NUP155: variants seen among roughly 807,000 people sequenced by gnomAD.
NUP155 encodes nucleoporin 155.
A neutral mutation model predicts 180.4 loss-of-function variants in NUP155; 71 were observed. That is an observed-to-expected ratio of 0.39 (90% CI 0.33 to 0.48). The LOEUF is 0.48. Ranked by LOEUF, NUP155 falls within the 20% of genes least tolerant of loss-of-function variation. NUP155 has a pLI of 0.91. For missense variants in NUP155, 1,553 were observed against 1,648.9 expected (o/e 0.94, Z 1.01); for synonymous variants, 582 against 559.5 (o/e 1.04, Z -0.57).
chr5:37,361,265 C>CAAAAAAAAAAAAA (rs35489900), intron 3 of NUP155, among the ~76,000 whole-genome samples: 6 of 78,024 alleles, frequency 7.7e-5, no homozygotes, highest in African/African-American at 3.6e-4. Context: ...GACTCTGTCT[C>CAAAAAAAAAAAAA]AAAAAAAAAA....
intron 23 of NUP155, chr5:37,309,626 T>A (rs191708660): frequency 9.9e-6 from 2 of 202,134 alleles, no homozygotes; most frequent in East Asian, 1.2e-4. Context: ...CACTAAAAGA[T>A]TTACTTGAAG....
At chr5:37,364,055 G>T in intron 2 of NUP155, 71 bp from the exon 3 acceptor site, 1 of 1,291,882 alleles carries the variant, frequency 7.7e-7, no homozygotes, top group Non-Finnish European at 1.1e-6. Context: ...AATAGCTTTT[G>T]ACTTAATATT....
chr5:37,370,542 T>G, intron 1 of NUP155: 1 of 832,346 alleles, frequency 1.2e-6, no homozygotes, highest in East Asian at 3.3e-5. Flanking sequence ...CCATAAGCAC[T>G]TGAGAGCGGC....
intron 11 of NUP155, among the ~76,000 whole-genome samples, chr5:37,340,646 T>C (rs992804586): frequency 3.3e-5 from 5 of 152,174 alleles, no homozygotes; most frequent in African/African-American, 1.2e-4. Flanking sequence ...GGGGATATAA[T>C]AGTCTTTTCA....
intron 11 of NUP155, among the ~76,000 whole-genome samples, chr5:37,339,307 CAAAA>C (rs1283751834): frequency 4.7e-5 from 3 of 63,282 alleles, no homozygotes; most frequent in Admixed American, 1.9e-4. Flanking sequence ...GACACTGTCT[CAAAA>C]AAAAAAAAAA....
At chr5:37,335,376 C>T (rs1267162626) in intron 12 of NUP155, among the ~76,000 whole-genome samples, 1 of 74,334 alleles carries the variant, frequency 1.3e-5, no homozygotes, top group Non-Finnish European at 3.2e-5. Context: ...AAAACCCTGT[C>T]TCAGAAAAAA....
intron 24 of NUP155, among the ~76,000 whole-genome samples, chr5:37,307,989 A>G (rs1355248172): frequency 2.6e-5 from 4 of 150,982 alleles, no homozygotes; most frequent in Non-Finnish European, 5.9e-5. Context: ...TGGAAAAAAA[A>G]GATCCTATTT....
At chr5:37,307,752 C>A (rs879587346) in intron 24 of NUP155, among the ~76,000 whole-genome samples, 8 of 151,742 alleles carry the variant, frequency 5.3e-5, no homozygotes, top group Admixed American at 1.3e-4. Flanking sequence ...TGAAACCCCA[C>A]CTCTACTAAA....
rs778197650 is a variant in NUP155 at position 37,307,440 on chromosome 5, G to T, written c.2768-8C>A. The T allele has an allele frequency of 1.7e-5, 27 of 1,613,600 alleles. No homozygotes were observed. In the South Asian group the frequency reaches 3.0e-4, roughly 18 times the overall value. Reference sequence around the variant, plus strand: ...CACCCTCATAAAATCTCACTGATGGGAAAGAAAAGAATGAAGACCTATGAC... The same window carrying T: ...CACCCTCATAAAATCTCACTGATGGTAAAGAAAAGAATGAAGACCTATGAC... On this transcript the variant is annotated splice_polypyrimidine_tract_variant and splice_region_variant and intron_variant, in intron 24 of 34. Coordinates refer to ENST00000231498, the MANE Select transcript of NUP155 (RefSeq NM_153485.3).
chr5:37,369,107 C>T (rs1193819930), intron 1 of NUP155, among the ~76,000 whole-genome samples: 4 of 152,094 alleles, frequency 2.6e-5, no homozygotes, highest in African/African-American at 9.7e-5. Flanking sequence ...TAAAAATTAG[C>T]TGGGTGTGGT....
At chr5:37,368,656 C>T (rs1391597879) in intron 1 of NUP155, among the ~76,000 whole-genome samples, 2 of 151,848 alleles carry the variant, frequency 1.3e-5, no homozygotes, top group African/African-American at 2.4e-5. Context: ...CCTGTCTCTA[C>T]TAAAAATAGA....
intron 3 of NUP155, among the ~76,000 whole-genome samples, chr5:37,360,501 G>C (rs1036703988): frequency 2.6e-5 from 4 of 151,218 alleles, no homozygotes; most frequent in Non-Finnish European, 5.9e-5. Flanking sequence ...AAAAGCCAAT[G>C]AAGGCCAAGT....
intron 31 of NUP155, 59 bp from the exon 32 acceptor site, chr5:37,299,037 A>G: frequency 1.1e-6 from 1 of 936,518 alleles, no homozygotes; most frequent in Admixed American, 1.8e-5. Context: ...AAATGTTTAC[A>G]TTGGTTATTT....
chr5:37,311,032 T>C (rs903508823), intron 22 of NUP155, among the ~76,000 whole-genome samples: 5 of 152,098 alleles, frequency 3.3e-5, no homozygotes, highest in African/African-American at 1.2e-4. Flanking sequence ...GGTTATAAAA[T>C]GGAAAAAACA....
chr5:37,321,694 GCAACAGAGCAAGACT>G (rs1744256000), intron 20 of NUP155, among the ~76,000 whole-genome samples: 1 of 152,032 alleles, frequency 6.6e-6, no homozygotes, highest in Admixed American at 6.6e-5. Context: ...TCCAGCCTGG[GCAACAGAGCAAGACT>G]CTGCCTCGGC....
intron 29 of NUP155, among the ~76,000 whole-genome samples, chr5:37,302,401 TC>T (rs60007224): frequency 0.029 from 4,359 of 152,104 alleles, 225 homozygotes; most frequent in African/African-American, 0.099. Flanking sequence ...CCCGGCTAAT[TC>T]TTGTATTTTT....
intron 1 of NUP155, among the ~76,000 whole-genome samples, chr5:37,369,150 G>A (rs922900127): frequency 6.6e-6 from 1 of 152,054 alleles, no homozygotes; most frequent in Non-Finnish European, 1.5e-5. Flanking sequence ...TACTGGGGAG[G>A]GCAAGGCGGG....
intron 12 of NUP155, among the ~76,000 whole-genome samples, chr5:37,337,260 T>C (rs1200549791): frequency 1.3e-5 from 2 of 152,286 alleles, no homozygotes; most frequent in Middle Eastern, 3.4e-3. Context: ...TGTTTGTGGG[T>C]GTCTCTTTGT....
intron 12 of NUP155, among the ~76,000 whole-genome samples, chr5:37,335,681 G>A (rs879639099): frequency 3.9e-5 from 6 of 152,014 alleles, no homozygotes; most frequent in Admixed American, 6.6e-5. Flanking sequence ...TGGACGACAC[G>A]GCTTACACCT....
Sources: gnomAD v4.1 joint callset for allele counts (sites outside exome capture counted in the v4.1 genomes callset) on GRCh38, gnomAD v4.1.1 for gene constraint, MANE v1.5 for transcripts, NCBI Gene and HGNC (gene_info 2026-07-23, HGNC 2026-07-21) for gene names.